The following ARHGAP8 variants were observed in gnomAD, a reference collection of about 807,000 sequenced individuals.
ARHGAP8 encodes rho GTPase-activating protein 8.
ARHGAP8 carries 62 observed loss-of-function variants against 46.1 expected under a neutral mutation model. The observed-to-expected ratio is 1.34, with a 90% CI of 1.10 to 1.66. ARHGAP8 has a LOEUF of 1.66. Ranked by LOEUF, ARHGAP8 falls within the 40% of genes most tolerant of loss-of-function variation. The pLI is 0.00. For synonymous variants in ARHGAP8, 375 were observed against 243.1 expected, an observed-to-expected ratio of 1.54 and a Z score of -5.05; for missense variants, 923 against 568.4, an observed-to-expected ratio of 1.62 and a Z score of -6.34.
intron 1 of ARHGAP8, among the ~76,000 whole-genome samples, chr22:44,754,500 C>A (rs1394533946): frequency 6.6e-6 from 1 of 151,996 alleles, no homozygotes. Context: ...GGATTACAGG[C>A]GCCCACCACC....
Position 44,859,844 on chromosome 22 carries a change from G to A in ARHGAP8, c.981+10G>A, listed in dbSNP as rs746772537. The A allele has an allele frequency of 6.2e-7, 1 of 1,612,554 alleles. No homozygotes were observed. The highest frequency in any genetic ancestry group is 1.1e-5 in the South Asian group (1 of 91,004). The stretch of plus-strand genomic sequence containing the variant: ...GGGCTTCCTGCATGCGGTGAGTGGG[G>A]AAGGGGGGAGCTTGGGGTGAAGCCC... On this transcript the variant is annotated intron_variant, in intron 11 of 11. Transcript: ENST00000356099.
intron 5 of ARHGAP8, among the ~76,000 whole-genome samples, chr22:44,817,463 C>T (rs1929832572): frequency 6.6e-6 from 1 of 152,198 alleles, no homozygotes; most frequent in Non-Finnish European, 1.5e-5. Flanking sequence ...TGACATGTGA[C>T]ATATTTGACA....
rs1034746608 is a variant in ARHGAP8 at position 44,752,918 on chromosome 22, G to T, written c.-72+291G>T. On this transcript the variant is annotated intron_variant, in intron 1 of 11. Transcript: ENST00000356099. ...CCCCTGTCCTGTTCCTTCTCACCCC[G>T]CACCGCCTTCCCCGCCCTCGCCTCT... Among the ~76,000 whole-genome samples, 15 of 137,248 alleles carry T rather than the reference G, an allele frequency of 1.1e-4. No individual in the cohort carries two copies. In the East Asian group the frequency reaches 3.2e-3, roughly 29 times the overall value. 90.0% of individuals were successfully genotyped at this position (137,248 alleles called of 152,430 possible).
At chr22:44,811,379 G>T (rs1929322716) in intron 4 of ARHGAP8, among the ~76,000 whole-genome samples, 1 of 152,224 alleles carries the variant, frequency 6.6e-6, no homozygotes, top group South Asian at 2.1e-4. Context: ...TCACATTGAA[G>T]GGCGTTGATA....
chr22:44,800,096 CTGTCTTT>C (rs1450889292), intron 2 of ARHGAP8, among the ~76,000 whole-genome samples: 12,590 of 112,300 alleles, frequency 0.11, 680 homozygotes, highest in African/African-American at 0.22. Flanking sequence ...GGAGTCTGTT[CTGTCTTT>C]TTTTTTTTTT....
chr22:44,801,739 A>G (rs1029458562), intron 2 of ARHGAP8: 10 of 288,886 alleles, frequency 3.5e-5, no homozygotes, highest in Admixed American at 4.6e-5. Context: ...GAGTGGCTAC[A>G]CCCTGCCTTT....
At chr22:44,835,084 C>T (rs1931192155) in intron 7 of ARHGAP8, among the ~76,000 whole-genome samples, 1 of 151,996 alleles carries the variant, frequency 6.6e-6, no homozygotes, top group African/African-American at 2.4e-5. Flanking sequence ...AATCCATTTA[C>T]ATTTAGTGTG....
chr22:44,800,092 TGTTC>T (rs1928382254), intron 2 of ARHGAP8, among the ~76,000 whole-genome samples: 1 of 97,376 alleles, frequency 1.0e-5, no homozygotes, highest in South Asian at 3.4e-4. Flanking sequence ...TTCAGGAGTC[TGTTC>T]TGTCTTTTTT....
At chr22:44,778,707 G>T (rs1037162563) in intron 1 of ARHGAP8, among the ~76,000 whole-genome samples, 8 of 152,066 alleles carry the variant, frequency 5.3e-5, no homozygotes, top group African/African-American at 9.7e-5. Context: ...ATGATTTTTT[G>T]ATTATGGCCA....
chr22:44,791,173 C>T (rs114586149), intron 2 of ARHGAP8, among the ~76,000 whole-genome samples: 2,486 of 126,294 alleles, frequency 0.02, 65 homozygotes, highest in African/African-American at 0.065. Context: ...AGGGTTTAGC[C>T]TGGGAGGGAT....
chr22:44,778,683 A>G (rs1926599373), intron 1 of ARHGAP8, among the ~76,000 whole-genome samples: 1 of 152,152 alleles, frequency 6.6e-6, no homozygotes, highest in Admixed American at 6.6e-5. Flanking sequence ...AGCCACGCCA[A>G]TATCTATTAT....
At chr22:44,772,215 T>C (rs1175529546) in intron 1 of ARHGAP8, among the ~76,000 whole-genome samples, 1 of 146,794 alleles carries the variant, frequency 6.8e-6, no homozygotes, top group Non-Finnish European at 1.5e-5. Flanking sequence ...GTTTTACTAC[T>C]GTTTTGCCTT....
chr22:44,771,769 G>T (rs1434622255), intron 1 of ARHGAP8, among the ~76,000 whole-genome samples: 1 of 150,890 alleles, frequency 6.6e-6, no homozygotes, highest in African/African-American at 2.4e-5. Flanking sequence ...TGGCCAGGCT[G>T]GTCTCGAACT....
intron 2 of ARHGAP8, among the ~76,000 whole-genome samples, chr22:44,798,368 C>G (rs1481632424): frequency 6.6e-6 from 1 of 152,070 alleles, no homozygotes; most frequent in African/African-American, 2.4e-5. Flanking sequence ...ATCTTGGCCC[C>G]CAAAATGCTG....
chr22:44,818,146 G>A (rs995962143), intron 5 of ARHGAP8, among the ~76,000 whole-genome samples: 1 of 150,662 alleles, frequency 6.6e-6, no homozygotes, highest in African/African-American at 2.4e-5. Context: ...TAAGGTTCTT[G>A]GAAAAAAAGT....
intron 2 of ARHGAP8, among the ~76,000 whole-genome samples, chr22:44,801,244 G>A (rs1167773519): frequency 2.1e-4 from 17 of 80,266 alleles, no homozygotes; most frequent in Non-Finnish European, 1.6e-4. Context: ...GTGTGGGGGC[G>A]CCTCTCCCCG....
chr22:44,848,615 C>T (rs77969693), intron 9 of ARHGAP8, among the ~76,000 whole-genome samples: 2,936 of 152,328 alleles, frequency 0.019, 90 homozygotes, highest in African/African-American at 0.061. Flanking sequence ...CCAGGGCCTG[C>T]GGTGTCATCT....
chr22:44,816,966 ACCTCTG>A (rs1163698866), intron 5 of ARHGAP8, among the ~76,000 whole-genome samples: 2 of 137,340 alleles, frequency 1.5e-5, no homozygotes, highest in Non-Finnish European at 3.0e-5. Flanking sequence ...GCTCACTGCT[ACCTCTG>A]CCTCCTGGGT....
intron 7 of ARHGAP8, among the ~76,000 whole-genome samples, chr22:44,832,166 T>G (rs1374898370): frequency 6.6e-6 from 1 of 151,866 alleles, no homozygotes; most frequent in African/African-American, 2.4e-5. Flanking sequence ...GTACCAGTTT[T>G]TTGAACTTTT....
Sources: gnomAD v4.1 joint callset for allele counts (sites outside exome capture counted in the v4.1 genomes callset) on GRCh38, gnomAD v4.1.1 for gene constraint, MANE v1.5 for transcripts, NCBI Gene and HGNC (gene_info 2026-07-23, HGNC 2026-07-21) for gene names.